WDR70: variants seen among roughly 807,000 people sequenced by gnomAD.
The protein encoded by WDR70 is WD repeat domain 70.
Under a neutral mutation model 88.6 loss-of-function variants are expected in WDR70, and 53 were observed. The observed-to-expected ratio is 0.60, with a 90% CI of 0.48 to 0.75. WDR70 has a LOEUF of 0.75. WDR70 is among the 30% of genes least tolerant of loss of function. WDR70 has a pLI of 0.00. For missense variants in WDR70, 610 were observed against 823.2 expected (o/e 0.74, Z 3.17); for synonymous variants, 280 against 270.0 (o/e 1.04, Z -0.36).
At chr5:37,484,242 C>T (rs1201546305) in intron 8 of WDR70, among the ~76,000 whole-genome samples, 1 of 152,222 alleles carries the variant, frequency 6.6e-6, no homozygotes, top group Non-Finnish European at 1.5e-5. Context: ...GAGATCACGC[C>T]ACTGCACTCC....
At chr5:37,531,636 T>G (rs1377880990) in intron 9 of WDR70, among the ~76,000 whole-genome samples, 1 of 150,018 alleles carries the variant, frequency 6.7e-6, no homozygotes, top group African/African-American at 2.4e-5. Context: ...TACTCTTGCT[T>G]GCTTTTGGCG....
chr5:37,730,749 G>T (rs1301802976), intron 17 of WDR70, among the ~76,000 whole-genome samples: 1 of 151,954 alleles, frequency 6.6e-6, no homozygotes, highest in Non-Finnish European at 1.5e-5. Context: ...CTCTTTAATT[G>T]TGAGAAAACT....
intron 9 of WDR70, among the ~76,000 whole-genome samples, chr5:37,589,315 A>AATGT (rs1743460882): frequency 6.6e-6 from 1 of 151,398 alleles, no homozygotes; most frequent in South Asian, 2.1e-4. Flanking sequence ...TAAATATATG[A>AATGT]ACACAATGTA....
chr5:37,465,809 T>A (rs1473946037), intron 7 of WDR70, among the ~76,000 whole-genome samples: 1 of 151,432 alleles, frequency 6.6e-6, no homozygotes. Flanking sequence ...ACTTTTTTTT[T>A]TTTTGCAAGA....
intron 17 of WDR70, among the ~76,000 whole-genome samples, chr5:37,727,418 A>C (rs1396158871): frequency 2.0e-5 from 3 of 152,118 alleles, no homozygotes; most frequent in Admixed American, 6.6e-5. Flanking sequence ...ACTTTTATTT[A>C]TAGAGCTGTA....
chr5:37,447,223 C>G (rs1430963839), intron 7 of WDR70, among the ~76,000 whole-genome samples: 1 of 152,162 alleles, frequency 6.6e-6, no homozygotes, highest in Non-Finnish European at 1.5e-5. Flanking sequence ...AAATGCAAAT[C>G]AAAACCACAA....
chr5:37,405,169 G>T (rs954954388), intron 5 of WDR70, among the ~76,000 whole-genome samples: 1 of 152,116 alleles, frequency 6.6e-6, no homozygotes, highest in Non-Finnish European at 1.5e-5. Context: ...TGGTCATGTA[G>T]AATGTTATGA....
intron 9 of WDR70, among the ~76,000 whole-genome samples, chr5:37,557,861 T>A (rs1337366996): frequency 1.1e-4 from 1 of 8,966 alleles, no homozygotes; most frequent in African/African-American, 4.5e-4. Context: ...TTATATTTTG[T>A]ATTGTATGAG....
chr5:37,496,333 C>T (rs573849717), intron 8 of WDR70, among the ~76,000 whole-genome samples: 16 of 152,266 alleles, frequency 1.1e-4, no homozygotes, highest in South Asian at 4.1e-4. Context: ...ACTCTGGGTC[C>T]GCACTACCTT....
intron 9 of WDR70, among the ~76,000 whole-genome samples, chr5:37,590,601 A>G (rs566929799): frequency 6.6e-6 from 1 of 152,314 alleles, no homozygotes; most frequent in South Asian, 2.1e-4. Context: ...AAATCCGACA[A>G]GTACCCTCAT....
In WDR70 at chr5:37,483,294, G is replaced by A. The variant is rs560757064; in HGVS notation, c.840+3307G>A. Among the ~76,000 whole-genome samples, 96 of 151,552 alleles carry A rather than the reference G, an allele frequency of 6.3e-4. 2 individuals carry two copies. The South Asian group carries it at 8.6e-3, about 14-fold the overall frequency. On this transcript the variant is annotated intron_variant, in intron 8 of 17. Coordinates refer to ENST00000265107, the MANE Select transcript of WDR70 (RefSeq NM_018034.4). ...CCCTGGGTACTTGAGATTAGGGAGT[G>A]GTGATGACTCTTAACGAGCATGCTG... is the stretch of plus-strand genomic sequence containing the variant.
intron 5 of WDR70, among the ~76,000 whole-genome samples, chr5:37,411,167 C>T (rs1749509600): frequency 6.8e-6 from 1 of 146,674 alleles, no homozygotes; most frequent in Admixed American, 7.4e-5. Flanking sequence ...TGCTGTGTTG[C>T]TCAGGTTGGT....
At chr5:37,553,647 T>C (rs944789209) in intron 9 of WDR70, among the ~76,000 whole-genome samples, 1 of 152,198 alleles carries the variant, frequency 6.6e-6, no homozygotes, top group South Asian at 2.1e-4. Context: ...CTTTATTGAG[T>C]GTGGTACGCA....
At chr5:37,664,416 C>T (rs1334818224) in intron 10 of WDR70, among the ~76,000 whole-genome samples, 1 of 152,190 alleles carries the variant, frequency 6.6e-6, no homozygotes, top group African/African-American at 2.4e-5. Flanking sequence ...TGCTATTTCA[C>T]ACTTCTAAGA....
chr5:37,586,711 T>C (rs1743375484), intron 9 of WDR70, among the ~76,000 whole-genome samples: 1 of 152,120 alleles, frequency 6.6e-6, no homozygotes, highest in Non-Finnish European at 1.5e-5. Flanking sequence ...TTCCCTCTCC[T>C]CGTATCCCTT....
intron 8 of WDR70, among the ~76,000 whole-genome samples, chr5:37,510,544 T>A (rs565619119): frequency 6.6e-6 from 1 of 152,192 alleles, no homozygotes; most frequent in East Asian, 1.9e-4. Context: ...GCAATCCTTC[T>A]GCCTCAGTCT....
intron 5 of WDR70, among the ~76,000 whole-genome samples, chr5:37,429,699 T>A (rs1750243879): frequency 6.6e-6 from 1 of 152,236 alleles, no homozygotes; most frequent in African/African-American, 2.4e-5. Context: ...TGGCCATTCT[T>A]ACTCTACTAT....
chr5:37,701,000 G>A (rs1747144526), intron 11 of WDR70, 58 bp from the exon 12 acceptor site: 4 of 1,059,764 alleles, frequency 3.8e-6, no homozygotes, highest in African/African-American at 1.6e-5. Flanking sequence ...AACTGGGAGC[G>A]AGTTCTTTTT....
At chr5:37,409,973 A>C (rs940111225) in intron 5 of WDR70, among the ~76,000 whole-genome samples, 3 of 151,828 alleles carry the variant, frequency 2.0e-5, no homozygotes, top group Non-Finnish European at 4.4e-5. Flanking sequence ...TATATAGAAG[A>C]CCTGATGCAT....
Sources: allele counts gnomAD v4.1 joint callset (sites outside exome capture counted in the v4.1 genomes callset), GRCh38; gene constraint gnomAD v4.1.1; transcripts MANE v1.5; gene names NCBI Gene and HGNC (gene_info 2026-07-23, HGNC 2026-07-21).